The following STPG2 variants were observed in gnomAD, a reference collection of about 807,000 sequenced individuals.
STPG2 encodes the protein sperm tail PG-rich repeat containing 2, also known as sperm-tail PG-rich repeat-containing protein 2.
STPG2 carries 56 observed loss-of-function variants against 54.2 expected under a neutral mutation model. That is an observed-to-expected ratio of 1.03 (90% CI 0.83 to 1.29). STPG2 has a LOEUF of 1.29. Ranked by LOEUF, STPG2 falls within the 50% of genes most tolerant of loss-of-function variation. The pLI, the probability that STPG2 is intolerant of heterozygous loss-of-function variation, is 0.00. For missense variants in STPG2, 596 were observed against 544.9 expected (o/e 1.09, Z -0.93); for synonymous variants, 200 against 181.8 (o/e 1.10, Z -0.81).
intron 10 of STPG2, among the ~76,000 whole-genome samples, chr4:97,637,241 C>T (rs951755544): frequency 2.0e-5 from 3 of 152,184 alleles, no homozygotes; most frequent in African/African-American, 7.2e-5. Flanking sequence ...AAGACAAAAA[C>T]CACATGATTA....
chr4:97,843,577 C>T (rs1255540539), intron 8 of STPG2, among the ~76,000 whole-genome samples: 1 of 151,844 alleles, frequency 6.6e-6, no homozygotes, highest in Admixed American at 6.6e-5. Flanking sequence ...AGTGATATCT[C>T]CCTTGCCTGA....
intron 9 of STPG2, among the ~76,000 whole-genome samples, chr4:97,725,287 T>C (rs1310903812): frequency 6.6e-6 from 1 of 151,890 alleles, no homozygotes; most frequent in African/African-American, 2.4e-5. Flanking sequence ...AAGAGAATAG[T>C]ACCACTTTTT....
At chr4:98,136,923 A>T (rs541451346) in intron 1 of STPG2, among the ~76,000 whole-genome samples, 1 of 151,922 alleles carries the variant, frequency 6.6e-6, no homozygotes, top group South Asian at 2.1e-4. Context: ...TTATTCCTGC[A>T]ACAAAAGTAG....
intron 10 of STPG2, among the ~76,000 whole-genome samples, chr4:97,654,979 A>C (rs2148956523): frequency 6.6e-6 from 1 of 152,246 alleles, no homozygotes; most frequent in Non-Finnish European, 1.5e-5. Flanking sequence ...TTTTGGCTAA[A>C]AAATACATTT....
At chr4:97,498,661 C>T (rs1278521291) in intron 4 of STPG2, among the ~76,000 whole-genome samples, 3 of 151,088 alleles carry the variant, frequency 2.0e-5, no homozygotes, top group Admixed American at 6.6e-5. Flanking sequence ...AATAGTTGCA[C>T]ATTTTAACTA....
At chr4:98,049,830 G>T (rs949394784) in intron 5 of STPG2, among the ~76,000 whole-genome samples, 3 of 152,046 alleles carry the variant, frequency 2.0e-5, no homozygotes, top group Admixed American at 6.5e-5. Context: ...TGTCCCTCCT[G>T]ATTTTTTTAG....
intron 8 of STPG2, among the ~76,000 whole-genome samples, chr4:97,852,566 T>C (rs977951577): frequency 6.6e-6 from 1 of 152,156 alleles, no homozygotes; most frequent in African/African-American, 2.4e-5. Flanking sequence ...GGAAGCTGCC[T>C]CCAAAATAGT....
intron 8 of STPG2, among the ~76,000 whole-genome samples, chr4:97,869,743 C>A (rs2149152222): frequency 6.6e-6 from 1 of 151,728 alleles, no homozygotes; most frequent in Admixed American, 6.6e-5. Flanking sequence ...TTGCCCTGCC[C>A]TCCAAAAAGA....
chr4:97,468,946 C>A lies in STPG2; in HGVS notation c.462+243753G>T, dbSNP rs535965652. Among the ~76,000 whole-genome samples, 4 of 152,154 alleles carry A rather than the reference C, an allele frequency of 2.6e-5. No individual in the cohort carries two copies. The South Asian group carries it at 8.3e-4, about 32-fold the overall frequency. On this transcript the variant is annotated intron_variant, in intron 4 of 4. Transcript: ENST00000522676. ...CTTGATTATCTGGCTTCTCTTTCCA[C>A]ACAGATATAAAAACTACAACAGAAC...
intron 7 of STPG2, among the ~76,000 whole-genome samples, chr4:97,947,220 A>G (rs1733264996): frequency 6.6e-6 from 1 of 152,116 alleles, no homozygotes; most frequent in Admixed American, 6.6e-5. Flanking sequence ...TGATTTGCGT[A>G]CATTGATTTT....
chr4:98,094,412 C>T (rs6839277), intron 5 of STPG2, among the ~76,000 whole-genome samples: 60,148 of 151,786 alleles, frequency 0.4, 12,148 homozygotes, highest in Middle Eastern at 0.46. Flanking sequence ...GCTTCAGTGA[C>T]AACCCAGCAC....
intron 5 of STPG2, among the ~76,000 whole-genome samples, chr4:98,068,644 A>C (rs1203613765): frequency 6.6e-6 from 1 of 152,076 alleles, no homozygotes; most frequent in African/African-American, 2.4e-5. Context: ...TGTGTTCCAG[A>C]AGTTGTGTGT....
At chr4:97,701,115 A>T (rs1723759418) in intron 10 of STPG2, among the ~76,000 whole-genome samples, 1 of 151,866 alleles carries the variant, frequency 6.6e-6, no homozygotes, top group African/African-American at 2.4e-5. Flanking sequence ...CTGATTTACT[A>T]TTTTTCTAGG....
intron 10 of STPG2, among the ~76,000 whole-genome samples, chr4:97,628,320 T>G (rs1226279856): frequency 6.6e-6 from 1 of 152,092 alleles, no homozygotes; most frequent in Non-Finnish European, 1.5e-5. Context: ...ATTGCATGAG[T>G]CTATTTTTCA....
intron 10 of STPG2, among the ~76,000 whole-genome samples, chr4:97,686,166 T>C (rs920338352): frequency 3.9e-5 from 6 of 152,182 alleles, no homozygotes; most frequent in Non-Finnish European, 1.5e-5. Flanking sequence ...CTGAAAATTA[T>C]TAATGTTGGA....
intron 8 of STPG2, among the ~76,000 whole-genome samples, chr4:97,868,467 G>C (rs757139213): frequency 6.6e-6 from 1 of 151,824 alleles, no homozygotes; most frequent in Non-Finnish European, 1.5e-5. Flanking sequence ...CCAGACATTA[G>C]AGGTAGCATA....
At chr4:97,694,964 G>A (rs1285463414) in intron 10 of STPG2, among the ~76,000 whole-genome samples, 1 of 151,246 alleles carries the variant, frequency 6.6e-6, no homozygotes, top group African/African-American at 2.4e-5. Flanking sequence ...TAGAGAAAGA[G>A]GGAATCCTTC....
chr4:97,702,486 T>C (rs1195217047), intron 10 of STPG2, among the ~76,000 whole-genome samples: 1 of 152,084 alleles, frequency 6.6e-6, no homozygotes, highest in Non-Finnish European at 1.5e-5. Context: ...TTTAATCTAG[T>C]TATAGGTCTA....
At chr4:97,540,214 T>A (rs1246585102) in intron 4 of STPG2, among the ~76,000 whole-genome samples, 3 of 151,696 alleles carry the variant, frequency 2.0e-5, no homozygotes, top group Non-Finnish European at 4.4e-5. Context: ...TCCACAAAAT[T>A]GATAGATTGC....
Sources: allele counts gnomAD v4.1 joint callset (sites outside exome capture counted in the v4.1 genomes callset), GRCh38; gene constraint gnomAD v4.1.1; transcripts MANE v1.5; gene names NCBI Gene and HGNC (gene_info 2026-07-23, HGNC 2026-07-21).